Variants in ZSWIM7 observed in about 807,000 individuals in gnomAD.
ZSWIM7 encodes zinc finger SWIM-type containing 7.
In ZSWIM7, 22 loss-of-function variants were observed where a neutral mutation model predicts 21.1. The ratio of observed to expected loss-of-function variants is 1.04; its 90% confidence interval spans 0.74 to 1.49. The LOEUF is 1.49. ZSWIM7 is among the 40% of genes most tolerant of loss of function. The pLI, the probability that ZSWIM7 is intolerant of heterozygous loss-of-function variation, is 0.00. For missense variants in ZSWIM7, 193 were observed against 168.0 expected, an observed-to-expected ratio of 1.15 and a Z score of -0.82; for synonymous variants, 67 against 66.5, an observed-to-expected ratio of 1.01 and a Z score of -0.04.
intron 3 of ZSWIM7, 55 bp from the exon 4 acceptor site, chr17:15,981,199 C>A (rs1970351272): frequency 1.0e-5 from 14 of 1,336,810 alleles, no homozygotes; most frequent in Non-Finnish European, 1.5e-5. Context: ...AAAACCACCT[C>A]TTTCCCTTTT....
At chr17:15,997,168 AAG>A (rs1567573061) in intron 1 of ZSWIM7, among the ~76,000 whole-genome samples, 1 of 151,944 alleles carries the variant, frequency 6.6e-6, no homozygotes, top group Admixed American at 6.6e-5. Context: ...AAAAAAAAAA[AAG>A]AGGTAGTAAA....
Position 15,981,066 on chromosome 17 carries a change from C to T in ZSWIM7, c.280G>A (p.Val94Met). 1 of 1,613,818 alleles carries T rather than the reference C, an allele frequency of 6.2e-7. No homozygotes were observed. The highest frequency in any genetic ancestry group is 8.5e-7 in the Non-Finnish European group (1 of 1,179,788). ...AGGATGCTGTCACTCTTCCGTAGCA[C>T]TGAGAATGCAAATGCAGGACATGAA... ...YCSCPAFAFS[V>M]LRKSDSILCK... is the part of the protein sequence containing the mutation. The change falls in exon 4 of 5, where the codon GTG becomes ATG. Residue 94 changes from valine to methionine, a missense_variant. Coordinates refer to ENST00000399277, the MANE Select transcript of ZSWIM7 (RefSeq NM_001042697.2).
intron 2 of ZSWIM7, among the ~76,000 whole-genome samples, chr17:15,988,238 T>C (rs992589071): frequency 2.0e-5 from 3 of 152,206 alleles, no homozygotes; most frequent in Non-Finnish European, 4.4e-5. Flanking sequence ...ATCGTAGACT[T>C]CTTTTGGCAA....
At chr17:15,997,281 C>A (rs1047058734) in intron 1 of ZSWIM7, among the ~76,000 whole-genome samples, 1 of 151,992 alleles carries the variant, frequency 6.6e-6, no homozygotes, top group Non-Finnish European at 1.5e-5. Flanking sequence ...AGCAAACAGC[C>A]GAGAGATCAG....
At chr17:15,980,945 A>G (rs1970347564) in intron 4 of ZSWIM7, 95 bp downstream of exon 4, 2 of 876,414 alleles carry the variant, frequency 2.3e-6, no homozygotes, top group Non-Finnish European at 3.4e-6. Context: ...TCAACATATA[A>G]TAAGATTCCC....
chr17:15,979,977 G>A (rs1970335004), intron 4 of ZSWIM7, among the ~76,000 whole-genome samples: 1 of 141,646 alleles, frequency 7.1e-6, no homozygotes, highest in African/African-American at 2.7e-5. Context: ...TCCCAGTAGG[G>A]GCAGCCGGGC....
rs1267671688 is a variant in ZSWIM7, at chr17:15,987,277, G to A, written c.190C>T (p.Arg64Cys). The A allele has an allele frequency of 1.2e-6, 2 of 1,612,300 alleles. No individual in the cohort carries two copies. Among genetic ancestry groups the A allele is most frequent in the Non-Finnish European group, 1.7e-6 (2 of 1,179,232 alleles). The part of the protein sequence containing the change: ...ITLISSPSGR[R>C]VYQVLGSSSK... ...CTCTAGACTTCTACCTGGTAAACAC[G>A]CCTTCCACTGGGTGATGAGATTAAG... The change falls in exon 3 of 5, where the codon CGT becomes TGT. Residue 64 changes from arginine to cysteine, a missense_variant. Coordinates refer to ENST00000399277, the MANE Select transcript of ZSWIM7 (RefSeq NM_001042697.2).
At chr17:15,978,929 G>C (rs1970310770) in intron 4 of ZSWIM7, among the ~76,000 whole-genome samples, 1 of 150,646 alleles carries the variant, frequency 6.6e-6, no homozygotes, top group South Asian at 2.1e-4. Context: ...GCTCATCAGA[G>C]TCTCTAGGCT....
intron 3 of ZSWIM7, among the ~76,000 whole-genome samples, chr17:15,981,961 CTT>C (rs1970361191): frequency 4.6e-5 from 7 of 152,076 alleles, no homozygotes; most frequent in Non-Finnish European, 7.4e-5. Context: ...TGGGAAGAGG[CTT>C]TTGAAAAGCA....
intron 1 of ZSWIM7, among the ~76,000 whole-genome samples, chr17:15,995,206 A>G (rs1224280304): frequency 1.3e-5 from 2 of 152,160 alleles, no homozygotes; most frequent in Non-Finnish European, 2.9e-5. Flanking sequence ...AAGCTGAGGC[A>G]GGAAGATTGC....
intron 2 of ZSWIM7, among the ~76,000 whole-genome samples, chr17:15,991,603 G>A (rs1277733227): frequency 6.6e-6 from 1 of 151,976 alleles, no homozygotes; most frequent in Non-Finnish European, 1.5e-5. Context: ...CAAAGGATTC[G>A]GCTATTTACA....
chr17:15,983,696 C>T (rs11868809), intron 3 of ZSWIM7, among the ~76,000 whole-genome samples: 63,672 of 151,930 alleles, frequency 0.42, 15,182 homozygotes, highest in Middle Eastern at 0.56. Context: ...AAGCCATTCT[C>T]CTGCCTCAGC....
In ZSWIM7 at chr17:15,980,592, T is replaced by C. The variant is rs578136081; in HGVS notation, c.306+448A>G. On this transcript the variant is annotated intron_variant, in intron 4 of 4. Transcript: ENST00000399277. ...CTTCATGGTCTGGACTCTGATGAAA[T>C]TGGCAAAGGCTTAAAGGAATAGGTG... 4.6e-5 allele frequency among the ~76,000 whole-genome samples: 7 copies of C among 152,248 alleles called. No individual in the cohort carries two copies. In the East Asian group the frequency reaches 1.2e-3, roughly 25 times the overall value.
At chr17:15,995,470 C>T (rs911104177) in intron 1 of ZSWIM7, among the ~76,000 whole-genome samples, 1 of 151,194 alleles carries the variant, frequency 6.6e-6, no homozygotes, top group African/African-American at 2.4e-5. Flanking sequence ...CCATGTTGAT[C>T]AGGCTGGTCT....
chr17:15,996,558 G>A (rs1412937097), intron 1 of ZSWIM7, among the ~76,000 whole-genome samples: 2 of 151,876 alleles, frequency 1.3e-5, no homozygotes, highest in East Asian at 1.9e-4. Context: ...AGTGAGACCC[G>A]GTCTCAAAAA....
chr17:15,981,169 C>T (rs375057673), intron 3 of ZSWIM7, 25 bp from the exon 4 acceptor site: 30 of 1,578,988 alleles, frequency 1.9e-5, no homozygotes, highest in Non-Finnish European at 2.3e-5. Context: ...TAGATGGGAT[C>T]AGACCTCAGA....
intron 1 of ZSWIM7, among the ~76,000 whole-genome samples, chr17:15,997,102 TACA>T (rs1970564314): frequency 2.0e-5 from 3 of 148,128 alleles, no homozygotes; most frequent in South Asian, 4.3e-4. Context: ...AGGTCAAAGC[TACA>T]GTGAGCTTTG....
chr17:15,988,746 C>T (rs1028585802), intron 2 of ZSWIM7, among the ~76,000 whole-genome samples: 1 of 152,036 alleles, frequency 6.6e-6, no homozygotes, highest in Non-Finnish European at 1.5e-5. Flanking sequence ...AGGCCGGGCG[C>T]GGTGGCTCAT....
chr17:15,981,009 C>G (rs1970348493), intron 4 of ZSWIM7, 31 bp downstream of exon 4: 1 of 1,539,532 alleles, frequency 6.5e-7, no homozygotes, highest in African/African-American at 1.4e-5. Flanking sequence ...CTACATTCAA[C>G]TACAGTGGGA....
Sources: gnomAD v4.1 joint callset for allele counts (sites outside exome capture counted in the v4.1 genomes callset) on GRCh38, gnomAD v4.1.1 for gene constraint, MANE v1.5 for transcripts, NCBI Gene and HGNC (gene_info 2026-07-23, HGNC 2026-07-21) for gene names.